The following RASGEF1A variants were observed in gnomAD, a reference collection of about 807,000 sequenced individuals.
RASGEF1A encodes the protein ras-GEF domain-containing family member 1A.
Under a neutral mutation model 56.4 loss-of-function variants are expected in RASGEF1A, and 18 were observed. That is an observed-to-expected ratio of 0.32 (90% CI 0.22 to 0.47). RASGEF1A has a LOEUF of 0.47. Among genes scored for constraint, RASGEF1A ranks in the 20% least tolerant of loss-of-function variants. The pLI is 1.00. For missense variants in RASGEF1A, 422 were observed against 627.1 expected (o/e 0.67, Z 3.49); for synonymous variants, 245 against 242.6 (o/e 1.01, Z -0.09).
intron 1 of RASGEF1A, among the ~76,000 whole-genome samples, chr10:43,232,367 C>G (rs1462497258): frequency 1.3e-5 from 2 of 152,172 alleles, no homozygotes; most frequent in Non-Finnish European, 2.9e-5. Context: ...CTGCCTTCCA[C>G]TATGAGTGAA....
At chr10:43,250,783 CCACCTGT>C (rs974898723) in intron 1 of RASGEF1A, among the ~76,000 whole-genome samples, 7 of 152,220 alleles carry the variant, frequency 4.6e-5, no homozygotes, top group Non-Finnish European at 1.0e-4. Context: ...CGCTGTTTTC[CCACCTGT>C]CACCTGGTCA....
intron 1 of RASGEF1A, among the ~76,000 whole-genome samples, chr10:43,257,586 T>C (rs1397537861): frequency 6.6e-6 from 1 of 152,152 alleles, no homozygotes; most frequent in African/African-American, 2.4e-5. Flanking sequence ...GACCCCGTAG[T>C]GCCCTGCGCT....
At chr10:43,251,028 C>T (rs1840622617) in intron 1 of RASGEF1A, among the ~76,000 whole-genome samples, 1 of 152,198 alleles carries the variant, frequency 6.6e-6, no homozygotes, top group African/African-American at 2.4e-5. Flanking sequence ...CTGGGCCTTG[C>T]TCTAGGGAGC....
At chr10:43,199,838 G>A (rs1010442338) in intron 6 of RASGEF1A, 70 bp from the exon 7 acceptor site, 7 of 1,284,946 alleles carry the variant, frequency 5.4e-6, no homozygotes, top group South Asian at 3.6e-5. Context: ...CCCACAGCTG[G>A]CCCTGGTCCC....
At chr10:43,201,219 A>G (rs1839892696) in intron 4 of RASGEF1A, among the ~76,000 whole-genome samples, 1 of 152,192 alleles carries the variant, frequency 6.6e-6, no homozygotes, top group Non-Finnish European at 1.5e-5. Context: ...AGCAGCCCAT[A>G]GAACAGTTTA....
At chr10:43,205,628 G>T (rs938336560) in intron 2 of RASGEF1A, among the ~76,000 whole-genome samples, 1 of 152,190 alleles carries the variant, frequency 6.6e-6, no homozygotes, top group African/African-American at 2.4e-5. Flanking sequence ...TCAGGGCCCT[G>T]CTCGGCCCTT....
chr10:43,254,636 G>A (rs1405991474), intron 1 of RASGEF1A, among the ~76,000 whole-genome samples: 1 of 152,168 alleles, frequency 6.6e-6, no homozygotes. Context: ...CAGAAGGCTG[G>A]GTGGGGGCTA....
intron 1 of RASGEF1A, among the ~76,000 whole-genome samples, chr10:43,244,919 G>A (rs1229175612): frequency 6.6e-6 from 1 of 151,746 alleles, no homozygotes; most frequent in African/African-American, 2.4e-5. Context: ...TAGGAAAAGA[G>A]AAGCAAATTA....
intron 2 of RASGEF1A, among the ~76,000 whole-genome samples, chr10:43,204,268 A>T (rs944553439): frequency 1.3e-5 from 2 of 152,058 alleles, no homozygotes; most frequent in African/African-American, 4.8e-5. Flanking sequence ...CCCAGCCCAT[A>T]TAACCCGGTT....
rs555158597 is a variant in RASGEF1A, at chr10:43,219,740, C to G, written c.-6-13618G>C. Among the ~76,000 whole-genome samples, 4 of 152,350 alleles carry G rather than the reference C, an allele frequency of 2.6e-5. No homozygotes were observed. In the South Asian group the frequency reaches 6.2e-4, roughly 24 times the overall value. On this transcript the variant is annotated intron_variant, in intron 1 of 12. Transcript: ENST00000395810. ...CACACACAGACCTGTCCCGGGTGAGCTGCACCTCCGCCCTCTACAGCCACC... is the reference window on the plus strand; with the variant it reads ...CACACACAGACCTGTCCCGGGTGAGGTGCACCTCCGCCCTCTACAGCCACC...
intron 2 of RASGEF1A, among the ~76,000 whole-genome samples, chr10:43,204,209 C>T (rs1254960): frequency 0.16 from 24,435 of 152,142 alleles, 2,616 homozygotes; most frequent in East Asian, 0.5. Flanking sequence ...GGGACTCTGC[C>T]CCACGTGGCT....
At chr10:43,247,258 T>C (rs1840575499) in intron 1 of RASGEF1A, among the ~76,000 whole-genome samples, 2 of 152,344 alleles carry the variant, frequency 1.3e-5, no homozygotes, top group South Asian at 4.1e-4. Context: ...AAGACAGTAA[T>C]AACAAGTGTT....
At chr10:43,260,999 G>C (rs1263322433) in intron 1 of RASGEF1A, among the ~76,000 whole-genome samples, 1 of 152,198 alleles carries the variant, frequency 6.6e-6, no homozygotes, top group East Asian at 1.9e-4. Context: ...CTCCGAGCCA[G>C]CACTGACTGC....
intron 1 of RASGEF1A, among the ~76,000 whole-genome samples, chr10:43,226,383 G>A (rs1254598064): frequency 2.6e-5 from 4 of 152,148 alleles, no homozygotes; most frequent in Non-Finnish European, 5.9e-5. Context: ...GGAGGTTGCA[G>A]TGAGATCATG....
intron 1 of RASGEF1A, among the ~76,000 whole-genome samples, chr10:43,250,418 A>T (rs1840615001): frequency 6.6e-6 from 1 of 152,224 alleles, no homozygotes. Flanking sequence ...CTGACCCAGG[A>T]CAGTGCCAAT....
intron 6 of RASGEF1A, 108 bp downstream of exon 6, chr10:43,200,074 C>T (rs1839868534): frequency 1.1e-6 from 1 of 906,912 alleles, no homozygotes; most frequent in African/African-American, 1.6e-5. Context: ...GCCCAGCACT[C>T]CGGAGACGCT....
Position 43,196,232 on chromosome 10 carries a change from G to A in RASGEF1A, c.*12C>T. On this transcript the variant is annotated 3_prime_UTR_variant, in exon 13 of 13. Transcript: ENST00000395810. The surrounding 1 kb of genome is among the most constrained non-coding windows in gnomAD (Gnocchi z 4.6). ...GCACGTGCTTCCTCTGGCGTCGCGG[G>A]CTGCATCCGCCTCAGGCTCTGTTCA... 1 of 1,612,520 alleles carries A rather than the reference G, an allele frequency of 6.2e-7. No individual in the cohort carries two copies. Among genetic ancestry groups the A allele is most frequent in the Non-Finnish European group, 8.5e-7 (1 of 1,178,924 alleles).
At chr10:43,265,205 T>G (rs1230793305) in intron 1 of RASGEF1A, among the ~76,000 whole-genome samples, 1 of 152,254 alleles carries the variant, frequency 6.6e-6, no homozygotes, top group Non-Finnish European at 1.5e-5. Context: ...CTGTGTGAAC[T>G]GTTCCATTTC....
intron 1 of RASGEF1A, among the ~76,000 whole-genome samples, chr10:43,210,741 C>T (rs1840054873): frequency 6.6e-6 from 1 of 152,240 alleles, no homozygotes; most frequent in Non-Finnish European, 1.5e-5. Flanking sequence ...CTCCTCCCAC[C>T]CAGGATGTAG....
Sources: allele counts gnomAD v4.1 joint callset (sites outside exome capture counted in the v4.1 genomes callset), GRCh38; gene constraint gnomAD v4.1.1; non-coding constraint Gnocchi (gnomAD v3.1); transcripts MANE v1.5; gene names NCBI Gene and HGNC (gene_info 2026-07-23, HGNC 2026-07-21).